VGLL1: variants seen among roughly 807,000 people sequenced by gnomAD.
VGLL1 encodes the protein transcription cofactor vestigial-like protein 1.
VGLL1 carries 4 observed loss-of-function variants against 12.0 expected under a neutral mutation model. The ratio of observed to expected loss-of-function variants is 0.33; its 90% confidence interval spans 0.16 to 0.76. The LOEUF is 0.76. VGLL1 is among the 30% of genes least tolerant of loss of function. VGLL1 has a pLI of 0.60. For missense variants in VGLL1, 204 were observed against 208.7 expected (o/e 0.98, Z 0.14); for synonymous variants, 87 against 81.2 (o/e 1.07, Z -0.39).
chrX:136,550,929 AGTCTCCAGTAATGGACGGG>A, intron 4 of VGLL1, 108 bp downstream of exon 4: 2 of 681,764 alleles, frequency 2.9e-6, no homozygotes, highest in Non-Finnish European at 4.7e-6. Context: ...TAAAACCCAG[AGTCTCCAGTAATGGACGGG>A]AGCCTTATTT....
intron 2 of VGLL1, among the ~76,000 whole-genome samples, chrX:136,537,304 T>C (rs921883037): frequency 1.8e-5 from 2 of 110,142 alleles, no homozygotes; most frequent in Admixed American, 1.9e-4. Flanking sequence ...GCCTGGGAGG[T>C]TGAGGCTGCA....
At chrX:136,552,522 GCAA>G (rs1366471481) in intron 4 of VGLL1, among the ~76,000 whole-genome samples, 4 of 112,276 alleles carry the variant, frequency 3.6e-5, no homozygotes, top group African/African-American at 1.3e-4. Flanking sequence ...AAAACTAACA[GCAA>G]CAACAACATG....
intron 1 of VGLL1, 119 bp downstream of exon 1, chrX:136,532,415 C>T (rs774002489): frequency 1.8e-5 from 2 of 111,475 alleles, no homozygotes; most frequent in African/African-American, 3.3e-5. Flanking sequence ...TTGGGGATTT[C>T]GTTCCAAGTG....
At chrX:136,532,649 CTTTCTTTCT>C (rs2075828114) in intron 1 of VGLL1, among the ~76,000 whole-genome samples, 1 of 51,627 alleles carries the variant, frequency 1.9e-5, no homozygotes. Flanking sequence ...TTCTTTCTTT[CTTTCTTTCT>C]TTCTTTTTCT....
chrX:136,556,752 G>A lies in VGLL1; in HGVS notation c.*213G>A. 2.7e-6 allele frequency: 1 copy of A among 372,680 alleles called. No individual in the cohort carries two copies. The highest frequency in any genetic ancestry group is 4.7e-6 in the Non-Finnish European group (1 of 214,399). 30.7% of individuals were successfully genotyped at this position (372,680 alleles called of 1,213,427 possible). ...CCCCATCCACACCCTGCTTGCTCCT[G>A]TGTAACAGCTCAGATGATGAATAAT... is the stretch of plus-strand genomic sequence containing the variant. On this transcript the variant is annotated 3_prime_UTR_variant, in exon 5 of 5. Transcript: ENST00000370634.
intron 2 of VGLL1, among the ~76,000 whole-genome samples, chrX:136,539,121 G>C (rs2075848799): frequency 9.0e-6 from 1 of 111,725 alleles, no homozygotes. Context: ...ACTGACTTCG[G>C]CTATTTGACT....
Position 136,556,578 on chromosome X carries a change from C to T in VGLL1, c.*39C>T, listed in dbSNP as rs1320583721. ...GAAAGACAACACTTGGTCTAAGACA[C>T]GGCAGCAAGACATCCCTGCATATTG... On this transcript the variant is annotated 3_prime_UTR_variant, in exon 5 of 5. Coordinates refer to ENST00000370634, the MANE Select transcript of VGLL1 (RefSeq NM_016267.4). The T allele has an allele frequency of 8.9e-6, 10 of 1,123,517 alleles. No homozygotes were observed. Among genetic ancestry groups the T allele is most frequent in the African/African-American group, 3.6e-5 (2 of 55,369 alleles). 92.6% of individuals were successfully genotyped at this position (1,123,517 alleles called of 1,213,427 possible).
At chrX:136,549,735 T>C (rs2075880379) in intron 3 of VGLL1, among the ~76,000 whole-genome samples, 1 of 111,766 alleles carries the variant, frequency 8.9e-6, no homozygotes. Context: ...AAAACAAGGC[T>C]CCCTTCTTTG....
rs112678338 is a variant in VGLL1 at position 136,556,421 on chromosome X, C to A, written c.689-30C>A. On this transcript the variant is annotated intron_variant, in intron 4 of 4. Coordinates refer to ENST00000370634, the MANE Select transcript of VGLL1 (RefSeq NM_016267.4). Reference sequence around the variant, plus strand: ...CAGCCTTCCATAGGGGCCTAACTGGCTTTCATTAACCATGTAACTTCTCCT... The same window carrying A: ...CAGCCTTCCATAGGGGCCTAACTGGATTTCATTAACCATGTAACTTCTCCT... The A allele has an allele frequency of 4.9e-4, 572 of 1,176,581 alleles. 3 individuals are homozygous for A. In the African/African-American group the frequency reaches 9.0e-3, roughly 19 times the overall value.
At chrX:136,534,860 T>C (rs1448919854) in intron 1 of VGLL1, among the ~76,000 whole-genome samples, 1 of 112,077 alleles carries the variant, frequency 8.9e-6, no homozygotes, top group African/African-American at 3.2e-5. Context: ...ACCTACATTA[T>C]GCTAGGTGCT....
At chrX:136,544,105 T>A (rs1035632450) in intron 2 of VGLL1, among the ~76,000 whole-genome samples, 8 of 112,080 alleles carry the variant, frequency 7.1e-5, no homozygotes, top group Admixed American at 2.8e-4. Context: ...CCTGCTTTTT[T>A]AAAAAATTCA....
chrX:136,545,204 T>C (rs892005420), intron 2 of VGLL1, among the ~76,000 whole-genome samples: 1 of 112,093 alleles, frequency 8.9e-6, no homozygotes, highest in African/African-American at 3.2e-5. Context: ...TCCAAGCCTC[T>C]CTGACTTCAA....
intron 2 of VGLL1, among the ~76,000 whole-genome samples, chrX:136,537,407 G>GA (rs934151519): frequency 5.4e-5 from 6 of 110,629 alleles, no homozygotes; most frequent in Admixed American, 1.9e-4. Context: ...ACTGGAAAAA[G>GA]AAAAAAAGAA....
At chrX:136,534,487 G>T (rs1331041791) in intron 1 of VGLL1, among the ~76,000 whole-genome samples, 7 of 112,493 alleles carry the variant, frequency 6.2e-5, no homozygotes, top group Non-Finnish European at 1.3e-4. Context: ...TAGTTTGTTT[G>T]TTTGTTCTTT....
At chrX:136,547,151 C>G (rs2075871781) in intron 2 of VGLL1, among the ~76,000 whole-genome samples, 1 of 112,366 alleles carries the variant, frequency 8.9e-6, no homozygotes. Flanking sequence ...TCCCAGACAT[C>G]CTCTCCAGCC....
chrX:136,553,467 T>C (rs1369004072), intron 4 of VGLL1, among the ~76,000 whole-genome samples: 1 of 109,682 alleles, frequency 9.1e-6, no homozygotes, highest in African/African-American at 3.3e-5. Flanking sequence ...CCCGCCACAA[T>C]GCCTGGCTAA....
intron 3 of VGLL1, 72 bp from the exon 4 acceptor site, chrX:136,550,696 A>G: frequency 1.1e-6 from 1 of 880,154 alleles, no homozygotes; most frequent in Non-Finnish European, 1.6e-6. Context: ...GGGCCCCTGG[A>G]ATGCTACTGG....
At chrX:136,551,025 T>C in intron 4 of VGLL1, 1 of 346,619 alleles carries the variant, frequency 2.9e-6, no homozygotes, top group Non-Finnish European at 5.1e-6. Flanking sequence ...TATATGCACT[T>C]CCTATCTTGT....
chrX:136,547,820 A>G (rs1232890663), intron 2 of VGLL1, among the ~76,000 whole-genome samples: 1 of 111,998 alleles, frequency 8.9e-6, no homozygotes, highest in African/African-American at 3.3e-5. Flanking sequence ...GAGCAAAGGT[A>G]TCTATACAGA....
Sources: gnomAD v4.1 joint callset for allele counts (sites outside exome capture counted in the v4.1 genomes callset) on GRCh38, gnomAD v4.1.1 for gene constraint, MANE v1.5 for transcripts, NCBI Gene and HGNC (gene_info 2026-07-23, HGNC 2026-07-21) for gene names.